Variants in FCHSD2 observed in about 807,000 individuals in gnomAD.
FCHSD2 encodes the protein F-BAR and double SH3 domains protein 2.
Under a neutral mutation model 108.1 loss-of-function variants are expected in FCHSD2, and 38 were observed. The observed-to-expected ratio is 0.35, with a 90% CI of 0.27 to 0.46. The LOEUF (loss-of-function observed/expected upper bound fraction) is 0.46. FCHSD2 is among the 20% of genes least tolerant of loss of function. FCHSD2 has a pLI of 1.00. For missense variants in FCHSD2, 751 were observed against 897.8 expected, an observed-to-expected ratio of 0.84 and a Z score of 2.09; for synonymous variants, 279 against 314.7, an observed-to-expected ratio of 0.89 and a Z score of 1.20.
chr11:73,001,124 G>GATA lies in FCHSD2; in HGVS notation c.250_252dup (p.Tyr84dup). 1 of 1,613,000 alleles carries GATA rather than the reference G, an allele frequency of 6.2e-7. No homozygotes were observed. The highest frequency in any genetic ancestry group is 8.5e-7 in the Non-Finnish European group (1 of 1,179,510). On this transcript the variant is annotated inframe_insertion, in exon 5 of 20. Transcript: ENST00000409418. ...CCCTCGAGAAAAGATTTCCAAACGG[G>GATA]ATACATGCTCCTAAATTCAAAGAGG...
At position 73,142,047 on chromosome 11, in the gene FCHSD2, C is replaced by A; in HGVS notation, c.-170G>T. ...GCAGGCCAGCGGGCGGCAGGCGGAC[C>A]CCAGCCAGAGAGCGAGTGTGAGGAG... On this transcript the variant is annotated 5_prime_UTR_variant, in exon 1 of 20. Coordinates refer to ENST00000409418, the MANE Select transcript of FCHSD2 (RefSeq NM_014824.3). 1 of 615,160 alleles carries A rather than the reference C, an allele frequency of 1.6e-6. No individual in the cohort carries two copies. The allele number at this position is 615,160 out of a possible 1,614,324, so 38.1% of individuals were successfully genotyped here. A position where few individuals can be genotyped will look rare whatever the true frequency, so the allele number is the denominator to read the frequency against.
chr11:72,854,070 G>A (rs976880652), intron 13 of FCHSD2, among the ~76,000 whole-genome samples: 3 of 152,050 alleles, frequency 2.0e-5, no homozygotes, highest in Non-Finnish European at 4.4e-5. Flanking sequence ...TAAAAACCCA[G>A]AAAATAACAA....
chr11:73,096,831 CAAA>C (rs1187475882), intron 2 of FCHSD2, among the ~76,000 whole-genome samples: 1 of 117,984 alleles, frequency 8.5e-6, no homozygotes, highest in Admixed American at 8.5e-5. Flanking sequence ...TGTCTCAAAA[CAAA>C]AAAAAAAAAG....
intron 12 of FCHSD2, among the ~76,000 whole-genome samples, chr11:72,884,999 TAATA>T (rs1277266160): frequency 3.9e-5 from 6 of 152,286 alleles, no homozygotes; most frequent in Non-Finnish European, 2.9e-5. Flanking sequence ...TAGGTATTTA[TAATA>T]AATAAAGTAT....
intron 4 of FCHSD2, among the ~76,000 whole-genome samples, chr11:73,007,306 C>T (rs1449850693): frequency 6.6e-6 from 1 of 152,006 alleles, no homozygotes; most frequent in African/African-American, 2.4e-5. Flanking sequence ...GAAAACTTTA[C>T]CAGAAGAAAT....
rs989639301 is a variant in FCHSD2, at chr11:72,991,498, A to C, written c.388-2401T>G. ...GGCAAACCAAATCCAGCAGCACACC[A>C]AAAGCTTATCCACCATGATCAAGTG... On this transcript the variant is annotated intron_variant, in intron 5 of 19. Transcript: ENST00000409418. Among the ~76,000 whole-genome samples the C allele has an allele frequency of 2.6e-5, 4 of 152,210 alleles. No individual in the cohort carries two copies. In the East Asian group the frequency reaches 7.7e-4, roughly 29 times the overall value.
intron 9 of FCHSD2, among the ~76,000 whole-genome samples, chr11:72,906,115 A>G (rs903336797): frequency 5.9e-5 from 9 of 151,852 alleles, no homozygotes; most frequent in Admixed American, 2.6e-4. Flanking sequence ...TTCCTTTTTA[A>G]TGATCGCCAT....
At chr11:72,973,162 G>A (rs1216458698) in intron 8 of FCHSD2, among the ~76,000 whole-genome samples, 1 of 152,194 alleles carries the variant, frequency 6.6e-6, no homozygotes, top group Non-Finnish European at 1.5e-5. Flanking sequence ...GAGGTCAGGA[G>A]TTCAAGACCA....
rs1428609468 is a variant in FCHSD2 at position 73,140,049 on chromosome 11, T to G, written c.101A>C (p.Asp34Ala). 6.5e-7 allele frequency: 1 copy of G among 1,539,704 alleles called. No homozygotes were observed. Among genetic ancestry groups the G allele is most frequent in the South Asian group, 1.2e-5 (1 of 82,284 alleles). Residue 34 changes from aspartate to alanine, a missense_variant, in exon 2 of 20, where the codon GAT becomes GCT. Transcript: ENST00000409418. ...KLQAKHQAEC[D>A]LLEDMRTFSQ... The stretch of plus-strand genomic sequence containing the variant: ...GCCTTACCTCATATCTTCAAGCAAA[T>G]CACATTCTGCTTGATGTTTGGCTTG...
chr11:73,120,722 T>A (rs1224295429), intron 2 of FCHSD2, among the ~76,000 whole-genome samples: 2 of 150,892 alleles, frequency 1.3e-5, no homozygotes, highest in Non-Finnish European at 2.9e-5. Context: ...ACAGCAAAAT[T>A]GTGTCTAAAA....
At chr11:72,900,902 T>C (rs1855513055) in intron 10 of FCHSD2, among the ~76,000 whole-genome samples, 1 of 152,250 alleles carries the variant, frequency 6.6e-6, no homozygotes, top group Non-Finnish European at 1.5e-5. Flanking sequence ...ACTTTATGAA[T>C]ATAATTTGAT....
At chr11:72,861,719 C>T (rs574108431) in intron 13 of FCHSD2, among the ~76,000 whole-genome samples, 55 of 152,130 alleles carry the variant, frequency 3.6e-4, no homozygotes, top group African/African-American at 1.2e-3. Flanking sequence ...CAACTGAGGT[C>T]GGGAGTTCAA....
At chr11:72,968,825 T>C (rs2135382063) in intron 8 of FCHSD2, among the ~76,000 whole-genome samples, 2 of 152,330 alleles carry the variant, frequency 1.3e-5, no homozygotes, top group East Asian at 3.9e-4. Context: ...GTTCATCCTT[T>C]GACCAACACT....
chr11:72,924,393 G>A (rs564333289), intron 8 of FCHSD2, among the ~76,000 whole-genome samples: 6 of 150,830 alleles, frequency 4.0e-5, no homozygotes, highest in South Asian at 2.1e-4. Flanking sequence ...TTCTCCTGCC[G>A]CAGCCTCCCG....
At chr11:73,135,288 C>T (rs916109681) in intron 2 of FCHSD2, among the ~76,000 whole-genome samples, 1 of 152,218 alleles carries the variant, frequency 6.6e-6, no homozygotes, top group Admixed American at 6.5e-5. Flanking sequence ...GGACAAATAG[C>T]TTAGAGTCTT....
At chr11:72,925,265 C>A (rs533674142) in intron 8 of FCHSD2, among the ~76,000 whole-genome samples, 1 of 152,142 alleles carries the variant, frequency 6.6e-6, no homozygotes, top group Non-Finnish European at 1.5e-5. Flanking sequence ...AGGATCATTT[C>A]TGATTATAGA....
At chr11:72,958,703 CTT>C (rs1335967220) in intron 8 of FCHSD2, among the ~76,000 whole-genome samples, 1 of 152,154 alleles carries the variant, frequency 6.6e-6, no homozygotes, top group Non-Finnish European at 1.5e-5. Context: ...AGAAAGGTCT[CTT>C]ATCTCCTTCC....
At chr11:72,869,404 T>C (rs529991049) in intron 12 of FCHSD2, 2 of 127,688 alleles carry the variant, frequency 1.6e-5, no homozygotes, top group South Asian at 2.4e-4. Flanking sequence ...GGAGGGGAGA[T>C]AGTGAAGAAG....
intron 3 of FCHSD2, among the ~76,000 whole-genome samples, chr11:73,052,680 C>T (rs1858929616): frequency 6.6e-6 from 1 of 152,000 alleles, no homozygotes; most frequent in South Asian, 2.1e-4. Context: ...GTGAATTGGA[C>T]AATTGGATTT....
Sources: allele counts gnomAD v4.1 joint callset (sites outside exome capture counted in the v4.1 genomes callset), GRCh38; gene constraint gnomAD v4.1.1; transcripts MANE v1.5; gene names NCBI Gene and HGNC (gene_info 2026-07-23, HGNC 2026-07-21).